Variants in GABBR2 observed in about 807,000 individuals in gnomAD.
The protein encoded by GABBR2 is gamma-aminobutyric acid type B receptor subunit 2, also known as G-protein coupled receptor 51.
GABBR2 carries 23 observed loss-of-function variants against 105.6 expected under a neutral mutation model. That is an observed-to-expected ratio of 0.22 (90% CI 0.16 to 0.31). The LOEUF (loss-of-function observed/expected upper bound fraction) is 0.31, where lower values mean the gene tolerates loss of function less well. Ranked by LOEUF, GABBR2 falls within the 10% of genes least tolerant of loss-of-function variation. GABBR2 has a pLI of 1.00. For missense variants in GABBR2, 734 were observed against 1,245.5 expected, an observed-to-expected ratio of 0.59 and a Z score of 6.18; for synonymous variants, 478 against 499.7, an observed-to-expected ratio of 0.96 and a Z score of 0.58.
In GABBR2 at chr9:98,699,611, G is replaced by C. The variant is rs1027355336; in HGVS notation, c.321+8806C>G. 3.3e-5 allele frequency among the ~76,000 whole-genome samples: 5 copies of C among 152,274 alleles called. No homozygotes were observed. In the South Asian group the frequency reaches 1.0e-3, roughly 32 times the overall value. On this transcript the variant is annotated intron_variant, in intron 1 of 18. Transcript: ENST00000259455. Reference sequence around the variant, plus strand: ...GATAGTGCCTAGGGGGACCACAGAGGAGCCAGACACACCCAGTGCCTGCCC... The same window carrying C: ...GATAGTGCCTAGGGGGACCACAGAGCAGCCAGACACACCCAGTGCCTGCCC...
chr9:98,310,576 G>C (rs971924785), intron 14 of GABBR2, among the ~76,000 whole-genome samples: 1 of 152,146 alleles, frequency 6.6e-6, no homozygotes, highest in Non-Finnish European at 1.5e-5. Context: ...GATGAGTAAA[G>C]TGGAAAGAGT....
At chr9:98,462,638 A>T (rs938411498) in intron 6 of GABBR2, among the ~76,000 whole-genome samples, 3 of 152,194 alleles carry the variant, frequency 2.0e-5, no homozygotes, top group African/African-American at 7.2e-5. Flanking sequence ...GGCTAAAATT[A>T]AAAAGCTGAC....
intron 3 of GABBR2, among the ~76,000 whole-genome samples, chr9:98,502,092 A>C (rs1827412043): frequency 6.6e-6 from 1 of 152,108 alleles, no homozygotes; most frequent in Non-Finnish European, 1.5e-5. Flanking sequence ...CACACTAGAC[A>C]TGGGAGTGCA....
intron 13 of GABBR2, among the ~76,000 whole-genome samples, chr9:98,318,871 G>T (rs1474303144): frequency 6.6e-6 from 1 of 151,402 alleles, no homozygotes; most frequent in Non-Finnish European, 1.5e-5. Context: ...GTGAGTGTAG[G>T]TGTGCATGTA....
chr9:98,312,993 G>T (rs566158360), intron 13 of GABBR2, among the ~76,000 whole-genome samples: 18 of 152,252 alleles, frequency 1.2e-4, no homozygotes, highest in African/African-American at 4.3e-4. Flanking sequence ...TAGGTGATCT[G>T]CCCGTCTCCG....
At chr9:98,507,552 C>A (rs1290207255) in intron 3 of GABBR2, among the ~76,000 whole-genome samples, 1 of 152,166 alleles carries the variant, frequency 6.6e-6, no homozygotes, top group East Asian at 1.9e-4. Flanking sequence ...ATCTTCAGAA[C>A]TATAAGATAA....
chr9:98,378,793 T>C (rs920048934), intron 11 of GABBR2, among the ~76,000 whole-genome samples: 1 of 152,210 alleles, frequency 6.6e-6, no homozygotes, highest in African/African-American at 2.4e-5. Flanking sequence ...TCTGGGATGC[T>C]GATAAGGTCC....
At chr9:98,461,744 C>T (rs1826427460) in intron 6 of GABBR2, among the ~76,000 whole-genome samples, 1 of 152,284 alleles carries the variant, frequency 6.6e-6, no homozygotes, top group Non-Finnish European at 1.5e-5. Flanking sequence ...CATGATTCTC[C>T]AGGTGCAGAA....
At chr9:98,675,968 G>A (rs1427784830) in intron 1 of GABBR2, among the ~76,000 whole-genome samples, 4 of 152,106 alleles carry the variant, frequency 2.6e-5, no homozygotes, top group African/African-American at 9.7e-5. Context: ...GTAATAGATA[G>A]AACAAAGCAC....
chr9:98,372,648 C>A (rs1197360417), intron 11 of GABBR2, among the ~76,000 whole-genome samples: 2 of 152,230 alleles, frequency 1.3e-5, no homozygotes, highest in Non-Finnish European at 2.9e-5. Flanking sequence ...CTTCCCCAGG[C>A]CCCTTCTAGT....
At chr9:98,515,356 A>G (rs1233284794) in intron 3 of GABBR2, among the ~76,000 whole-genome samples, 3 of 152,132 alleles carry the variant, frequency 2.0e-5, no homozygotes, top group Non-Finnish European at 4.4e-5. Flanking sequence ...CAGTGCGATC[A>G]AATTGTCCAC....
chr9:98,580,448 T>A (rs529983722), intron 1 of GABBR2, among the ~76,000 whole-genome samples: 1 of 152,344 alleles, frequency 6.6e-6, no homozygotes, highest in South Asian at 2.1e-4. Flanking sequence ...TCGTTTTCAC[T>A]GCTGTCTCCC....
intron 3 of GABBR2, among the ~76,000 whole-genome samples, chr9:98,508,070 G>T (rs1564097024): frequency 6.6e-6 from 1 of 152,156 alleles, no homozygotes. Flanking sequence ...TGCTTTAATT[G>T]TTCCAGACTC....
intron 13 of GABBR2, among the ~76,000 whole-genome samples, chr9:98,347,798 A>T (rs1169146627): frequency 2.0e-5 from 3 of 152,158 alleles, no homozygotes; most frequent in African/African-American, 7.2e-5. Context: ...GTCCCCACCC[A>T]AATCTCACCT....
intron 1 of GABBR2, among the ~76,000 whole-genome samples, chr9:98,707,007 T>TC (rs1240569214): frequency 2.6e-5 from 4 of 152,138 alleles, no homozygotes; most frequent in Non-Finnish European, 5.9e-5. Flanking sequence ...AGAGGACGCC[T>TC]CTCCGCCTGC....
At chr9:98,326,995 G>A (rs934165694) in intron 13 of GABBR2, among the ~76,000 whole-genome samples, 5 of 152,200 alleles carry the variant, frequency 3.3e-5, no homozygotes, top group African/African-American at 4.8e-5. Context: ...GGAAGGCCTC[G>A]ATGAACTCTG....
At chr9:98,611,724 C>T (rs190847027) in intron 1 of GABBR2, among the ~76,000 whole-genome samples, 48 of 152,326 alleles carry the variant, frequency 3.2e-4, no homozygotes, top group African/African-American at 1.0e-3. Flanking sequence ...TGGGTAGGTT[C>T]CCCAGCCACG....
At chr9:98,529,704 T>C (rs559236492) in intron 3 of GABBR2, among the ~76,000 whole-genome samples, 1 of 152,340 alleles carries the variant, frequency 6.6e-6, no homozygotes, top group African/African-American at 2.4e-5. Context: ...GTAATCTTAT[T>C]ATTTTTCCTT....
rs142464927 is a variant in GABBR2 at position 98,660,936 on chromosome 9, C to T, written c.321+47481G>A. Among the ~76,000 whole-genome samples the T allele has an allele frequency of 1.5e-3, 223 of 152,326 alleles. 1 individual carries two copies. The highest frequency in any genetic ancestry group is 0.012 in the East Asian group (61 of 5,184). On this transcript the variant is annotated intron_variant, in intron 1 of 18. Transcript: ENST00000259455. ...TCTTTTTTTGTTTGAAATGGAGTCT[C>T]GCTCTGTTGCCTAGGCTGGAGTGCA...
Sources: allele counts gnomAD v4.1 joint callset (sites outside exome capture counted in the v4.1 genomes callset), GRCh38; gene constraint gnomAD v4.1.1; transcripts MANE v1.5; gene names NCBI Gene and HGNC (gene_info 2026-07-23, HGNC 2026-07-21).